MRPL27: variants seen among roughly 807,000 people sequenced by gnomAD.
MRPL27 encodes the protein large ribosomal subunit protein bL27m.
Under a neutral mutation model 14.6 loss-of-function variants are expected in MRPL27, and 4 were observed. The observed-to-expected ratio is 0.27, with a 90% CI of 0.14 to 0.63. MRPL27 has a LOEUF of 0.63. Ranked by LOEUF, MRPL27 falls within the 20% of genes least tolerant of loss-of-function variation. The pLI, the probability that MRPL27 is intolerant of heterozygous loss-of-function variation, is 0.85. For missense variants in MRPL27, 196 were observed against 192.8 expected, an observed-to-expected ratio of 1.02 and a Z score of -0.10; for synonymous variants, 82 against 75.5, an observed-to-expected ratio of 1.09 and a Z score of -0.45.
At position 50,367,911 on chromosome 17, in the gene MRPL27, T is replaced by C; in HGVS notation, c.*181A>G. On this transcript the variant is annotated 3_prime_UTR_variant, in exon 4 of 4. Coordinates refer to ENST00000225969, the MANE Select transcript of MRPL27 (RefSeq NM_016504.3). ...TTCATGACGCTGGCTCACTTTATTTTTGGCCCCAGGTCAGGTCTCCCAAAG... is the reference window on the plus strand; with the variant it reads ...TTCATGACGCTGGCTCACTTTATTTCTGGCCCCAGGTCAGGTCTCCCAAAG... 1 of 642,930 alleles carries C rather than the reference T, an allele frequency of 1.6e-6. No homozygotes were observed. Among genetic ancestry groups the C allele is most frequent in the African/African-American group, 1.8e-5 (1 of 54,738 alleles). The allele number at this position is 642,930 out of a possible 1,614,324, so 39.8% of individuals were successfully genotyped here. A position where few individuals can be genotyped will look rare whatever the true frequency, so the allele number is the denominator to read the frequency against.
At chr17:50,370,662 C>T (rs16948951) in intron 1 of MRPL27, 76 bp from the exon 2 acceptor site, 14 of 1,583,902 alleles carry the variant, frequency 8.8e-6, no homozygotes, top group South Asian at 2.2e-5. Flanking sequence ...CATGCTGATA[C>T]GTGAGAGGCG....
chr17:50,371,115 C>T (rs1913118290), intron 1 of MRPL27: 1 of 154,048 alleles, frequency 6.5e-6, no homozygotes, highest in Non-Finnish European at 1.4e-5. Context: ...GCCTCAGCCT[C>T]CCAAGTAGCT....
chr17:50,370,075 A>G lies in MRPL27; in HGVS notation c.197T>C (p.Ile66Thr). The change falls in exon 3 of 4, where the codon ATC becomes ACC. Residue 66 changes from isoleucine to threonine, a missense_variant. By Grantham distance (89) the Ile-to-Thr change is moderately conservative (BLOSUM62 -1). Transcript: ENST00000225969. Reference protein sequence around the residue: ...MEGHYVHAGNIIATQRHFRWH... With the variant: ...MEGHYVHAGNTIATQRHFRWH... The stretch of plus-strand genomic sequence containing the variant: ...GCGGAAATGGCGCTGTGTTGCAATG[A>G]TGTTCCCAGCATGAACATAGTGACC... The G allele has an allele frequency of 6.2e-7, 1 of 1,613,538 alleles. No individual in the cohort carries two copies. The highest frequency in any genetic ancestry group is 1.7e-5 in the Admixed American group (1 of 59,880).
At position 50,368,177 on chromosome 17, in the gene MRPL27, G is replaced by GTGT; in HGVS notation, c.361_362insACA (p.Pro121delinsHisThr). 1 of 1,614,170 alleles carries GTGT rather than the reference G, an allele frequency of 6.2e-7. No homozygotes were observed. Among genetic ancestry groups the GTGT allele is most frequent in the Non-Finnish European group, 8.5e-7 (1 of 1,180,036 alleles). ...AGTCTTGTAGAGCACAGCACCCTTG[G>GTGT]GCAGCCTGGTGATCAGATCCACAGC... On this transcript the variant is annotated protein_altering_variant, in exon 4 of 4. Coordinates refer to ENST00000225969, the MANE Select transcript of MRPL27 (RefSeq NM_016504.3).
chr17:50,369,778 T>C, intron 3 of MRPL27: 1 of 533,780 alleles, frequency 1.9e-6, no homozygotes, highest in Admixed American at 4.2e-5. Context: ...CAAATCATAG[T>C]GATCTGGGAG....
Position 50,368,129 on chromosome 17 carries a change from T to G in MRPL27, c.410A>C (p.Lys137Thr). 1 of 1,614,206 alleles carries G rather than the reference T, an allele frequency of 6.2e-7. No homozygotes were observed. The highest frequency in any genetic ancestry group is 8.5e-7 in the Non-Finnish European group (1 of 1,180,034). The change falls in exon 4 of 4, where the codon AAG becomes ACG. Residue 137 changes from lysine to threonine, a missense_variant. Physicochemically the swap from Lys to Thr is moderately conservative, Grantham distance 78. Coordinates refer to ENST00000225969, the MANE Select transcript of MRPL27 (RefSeq NM_016504.3). Reference sequence around the variant, plus strand: ...TACCAGTTTGAAGGTGCCCTCAGGCTTGGCAGGAACCACGTGGACAAAAGT... The same window carrying G: ...TACCAGTTTGAAGGTGCCCTCAGGCGTGGCAGGAACCACGTGGACAAAAGT... Reference protein sequence around the residue: ...YKTFVHVVPAKPEGTFKLVAM... With the variant: ...YKTFVHVVPATPEGTFKLVAM...
At chr17:50,372,913 C>T in intron 1 of MRPL27, 1 of 620,078 alleles carries the variant, frequency 1.6e-6, no homozygotes, top group East Asian at 2.8e-5. Context: ...GCTGCTGAGG[C>T]AGGAGAAAGA....
At chr17:50,369,492 A>G (rs1427649729) in intron 3 of MRPL27, 1 of 191,632 alleles carries the variant, frequency 5.2e-6, no homozygotes, top group Non-Finnish European at 1.1e-5. Flanking sequence ...GTCCTACCCT[A>G]TAAAAATGAT....
chr17:50,370,842 T>G, intron 1 of MRPL27: 1 of 418,946 alleles, frequency 2.4e-6, no homozygotes, highest in Non-Finnish European at 4.5e-6. Flanking sequence ...TCTGACACAT[T>G]CAGTCTAAAT....
intron 3 of MRPL27, 152 bp from the exon 4 acceptor site, chr17:50,368,450 A>T (rs1461122614): frequency 1.4e-6 from 1 of 734,042 alleles, no homozygotes; most frequent in South Asian, 1.8e-5. Context: ...ACTGGCTAGC[A>T]CGTCCAAACC....
At position 50,370,987 on chromosome 17, in the gene MRPL27, ACTTT is replaced by A. The variant is rs377061843; in HGVS notation, c.41-405_41-402del. On this transcript the variant is annotated intron_variant, in intron 1 of 3. Coordinates refer to ENST00000225969, the MANE Select transcript of MRPL27 (RefSeq NM_016504.3). ...GGCTTCGGTTTCAGGCTCACCCACG[ACTTT>A]CTTTCTTTTTTTTTTTTAAAGACGG... The A allele has an allele frequency of 5.1e-3, 827 of 160,726 alleles. 6 individuals are homozygous for A. Among genetic ancestry groups the A allele is most frequent in the Non-Finnish European group, 7.9e-3 (586 of 73,944 alleles). 10.0% of individuals were successfully genotyped at this position (160,726 alleles called of 1,614,324 possible). A position where few individuals can be genotyped will look rare whatever the true frequency, so the allele number is the denominator to read the frequency against.
Position 50,370,356 on chromosome 17 carries a change from AG to A in MRPL27, c.172+98del, listed in dbSNP as rs1473823412. On this transcript the variant is annotated intron_variant, in intron 2 of 3. Coordinates refer to ENST00000225969, the MANE Select transcript of MRPL27 (RefSeq NM_016504.3). ...TAAACTGGAGCCAATTATGATGGTAAGGAAGAACAGGGCCAGGCACACGCAG... is the reference window on the plus strand; with the variant it reads ...TAAACTGGAGCCAATTATGATGGTAAGAAGAACAGGGCCAGGCACACGCAG... 14 of 1,566,194 alleles carry A rather than the reference AG, an allele frequency of 8.9e-6. No homozygotes were observed. The African/African-American group carries it at 1.9e-4, about 21-fold the overall frequency.
At chr17:50,369,918 CA>C in intron 3 of MRPL27, 113 bp downstream of exon 3, 2 of 1,175,536 alleles carry the variant, frequency 1.7e-6, no homozygotes, top group Non-Finnish European at 2.5e-6. Context: ...GGAATCAGCA[CA>C]ATGCTTGCCA....
chr17:50,372,947 C>T, intron 1 of MRPL27, 184 bp downstream of exon 1: 1 of 786,192 alleles, frequency 1.3e-6, no homozygotes, highest in Non-Finnish European at 2.0e-6. Context: ...AACGCCCTCA[C>T]TCACGGCTCC....
In MRPL27 at chr17:50,373,131, C is replaced by T. The variant is rs1360565276; in HGVS notation, c.40G>A (p.Val14Ile). Residue 14 changes from valine (V) to isoleucine (I), a missense_variant and splice_region_variant, in exon 1 of 4, where the codon GTT becomes ATT. Transcript: ENST00000225969. The stretch of plus-strand genomic sequence containing the variant: ...CGCTCTGACTACTGCGTCCCATTAC[C>T]GGCTGTCCGGGTCCTCAGCGCCAAC... ...VVLALRTRTA[V>I]TSLLSPTPAT... 3.7e-6 allele frequency: 6 copies of T among 1,614,064 alleles called. No individual in the cohort carries two copies. Among genetic ancestry groups the T allele is most frequent in the African/African-American group, 2.7e-5 (2 of 74,950 alleles).
chr17:50,372,609 A>T (rs1379035103), intron 1 of MRPL27, among the ~76,000 whole-genome samples: 1 of 152,180 alleles, frequency 6.6e-6, no homozygotes, highest in African/African-American at 2.4e-5. Flanking sequence ...AATCTAAAAA[A>T]AGACACACAC....
At position 50,370,153 on chromosome 17, in the gene MRPL27, A is replaced by G. The variant is rs956536984; in HGVS notation, c.173-54T>C. The G allele has an allele frequency of 7.2e-6, 11 of 1,533,724 alleles. No homozygotes were observed. The East Asian group carries it at 2.3e-4, about 31-fold the overall frequency. Reference sequence around the variant, plus strand: ...CAGCATAGCAAACTACCAAGAAAACATGATGGCCCAAATGCTGCACACCAA... The same window carrying G: ...CAGCATAGCAAACTACCAAGAAAACGTGATGGCCCAAATGCTGCACACCAA... On this transcript the variant is annotated intron_variant, in intron 2 of 3. Coordinates refer to ENST00000225969, the MANE Select transcript of MRPL27 (RefSeq NM_016504.3).
intron 1 of MRPL27, 44 bp from the exon 2 acceptor site, chr17:50,370,630 CT>C: frequency 2.5e-6 from 4 of 1,611,020 alleles, no homozygotes; most frequent in Non-Finnish European, 3.4e-6. Flanking sequence ...CAGGCTCAAA[CT>C]ATTTCTGCCT....
Position 50,368,180 on chromosome 17 carries a change from A to T in MRPL27, c.359T>A (p.Leu120Gln). 6.2e-7 allele frequency: 1 copy of T among 1,614,244 alleles called. No individual in the cohort carries two copies. Among genetic ancestry groups the T allele is most frequent in the Non-Finnish European group, 8.5e-7 (1 of 1,180,050 alleles). ...NTEAVDLITR[L>Q]PKGAVLYKTF... Reference sequence around the variant, plus strand: ...CTTGTAGAGCACAGCACCCTTGGGCAGCCTGGTGATCAGATCCACAGCCTC... The same window carrying T: ...CTTGTAGAGCACAGCACCCTTGGGCTGCCTGGTGATCAGATCCACAGCCTC... Residue 120 changes from leucine (L) to glutamine (Q), a missense_variant, in exon 4 of 4, where the codon CTG becomes CAG. Transcript: ENST00000225969.
Sources: allele counts gnomAD v4.1 joint callset (sites outside exome capture counted in the v4.1 genomes callset), GRCh38; gene constraint gnomAD v4.1.1; transcripts MANE v1.5; gene names NCBI Gene and HGNC (gene_info 2026-07-23, HGNC 2026-07-21).